SPG7: variants seen among roughly 807,000 people sequenced by gnomAD.
The protein encoded by SPG7 is SPG7 matrix AAA peptidase subunit, paraplegin.
In SPG7, 103 loss-of-function variants were observed where a neutral mutation model predicts 81.9. The ratio of observed to expected loss-of-function variants is 1.26; its 90% CI spans 1.07 to 1.48. The LOEUF is 1.48. Ranked by LOEUF, SPG7 falls within the 40% of genes most tolerant of loss-of-function variation. The pLI is 0.00. For missense variants in SPG7, 1,241 were observed against 1,087.3 expected, an observed-to-expected ratio of 1.14 and a Z score of -1.99; for synonymous variants, 534 against 444.2, an observed-to-expected ratio of 1.20 and a Z score of -2.54.
At chr16:89,508,817 C>T (rs1567892002) in intron 1 of SPG7, 3 of 691,846 alleles carry the variant, frequency 4.3e-6, no homozygotes, top group Non-Finnish European at 7.9e-6. Context: ...GGCTGGGATC[C>T]GCGCAGTCCT....
chr16:89,547,634 A>G (rs2058579981), intron 11 of SPG7: 3 of 283,924 alleles, frequency 1.1e-5, no homozygotes, highest in South Asian at 3.3e-5. Context: ...TTATTTTGAG[A>G]CAGAGTCCTA....
chr16:89,521,314 G>A (rs968145557), intron 3 of SPG7: 4 of 152,276 alleles, frequency 2.6e-5, no homozygotes, highest in Non-Finnish European at 4.4e-5. Flanking sequence ...CTGACACAGC[G>A]GGGCTAAGAG....
chr16:89,553,664 C>T, intron 14 of SPG7, 130 bp from the exon 15 acceptor site: 1 of 846,002 alleles, frequency 1.2e-6, no homozygotes, highest in East Asian at 2.5e-5. Context: ...TGTCCAGCTT[C>T]ACGGTGGGTC....
intron 3 of SPG7, chr16:89,517,870 C>CG (rs2152396841): frequency 6.6e-6 from 1 of 152,372 alleles, no homozygotes; most frequent in Non-Finnish European, 1.5e-5. Flanking sequence ...CTGCCCACCT[C>CG]GGCCTCCCAA....
At chr16:89,553,591 A>G in intron 14 of SPG7, 1 of 599,336 alleles carries the variant, frequency 1.7e-6, no homozygotes, top group Non-Finnish European at 3.0e-6. Flanking sequence ...TCCAAATAAA[A>G]GAGCATTTCG....
intron 2 of SPG7, 150 bp from the exon 3 acceptor site, chr16:89,512,798 T>C (rs1415036054): frequency 4.0e-6 from 3 of 747,284 alleles, no homozygotes; most frequent in Non-Finnish European, 6.9e-6. Flanking sequence ...AGGATATGCT[T>C]TATTTCATAT....
At chr16:89,543,168 C>T (rs1248549971) in intron 9 of SPG7, 1 of 151,190 alleles carries the variant, frequency 6.6e-6, no homozygotes, top group Non-Finnish European at 1.5e-5. Context: ...AGGATGCTCT[C>T]CATCTGCTGA....
chr16:89,534,371 T>G (rs563405204), intron 9 of SPG7, among the ~76,000 whole-genome samples: 5 of 152,358 alleles, frequency 3.3e-5, no homozygotes, highest in African/African-American at 1.2e-4. Context: ...CTGCCTTGTG[T>G]GTAGGGGCTG....
chr16:89,531,363 A>T, intron 7 of SPG7: 1 of 185,756 alleles, frequency 5.4e-6, no homozygotes, highest in Non-Finnish European at 1.1e-5. Context: ...TCTGCAAAAC[A>T]TTTTTTTATT....
intron 3 of SPG7, chr16:89,521,158 A>T (rs566059930): frequency 6.6e-6 from 1 of 152,172 alleles, no homozygotes; most frequent in Non-Finnish European, 1.5e-5. Context: ...CCTTCTTGCC[A>T]CCGAGGAAGA....
chr16:89,546,092 C>CTT (rs891752792), intron 10 of SPG7: 672 of 246,828 alleles, frequency 2.7e-3, no homozygotes, highest in South Asian at 4.7e-3. Context: ...AGAGCGTTCT[C>CTT]TTTTTTTTTT....
chr16:89,553,339 C>T (rs1483319470), intron 14 of SPG7: 1 of 626,072 alleles, frequency 1.6e-6, no homozygotes, highest in Non-Finnish European at 2.8e-6. Context: ...AAAAACTTAA[C>T]CTATATGCCA....
At chr16:89,523,584 C>T (rs142597716) in intron 3 of SPG7, 65 of 407,348 alleles carry the variant, frequency 1.6e-4, no homozygotes, top group African/African-American at 6.7e-4. Flanking sequence ...CGGCCTGGGA[C>T]GGTCGTTTCT....
chr16:89,512,557 T>G (rs1172841884), intron 2 of SPG7, among the ~76,000 whole-genome samples: 2 of 151,456 alleles, frequency 1.3e-5, no homozygotes, highest in African/African-American at 2.4e-5. Flanking sequence ...GTGAACCACC[T>G]GCCTCGGTCT....
chr16:89,553,310 TTAGA>T, intron 14 of SPG7, 175 bp downstream of exon 14: 1 of 714,922 alleles, frequency 1.4e-6, no homozygotes, highest in Non-Finnish European at 2.4e-6. Context: ...GCAAGACTTC[TTAGA>T]TAATTTAATT....
intron 5 of SPG7, 100 bp from the exon 6 acceptor site, chr16:89,529,377 C>G: frequency 1.3e-6 from 1 of 783,760 alleles, no homozygotes; most frequent in Non-Finnish European, 2.2e-6. Context: ...GATTCCTCGT[C>G]TCATCTTGGA....
At chr16:89,528,362 G>A (rs1208352731) in intron 5 of SPG7, among the ~76,000 whole-genome samples, 2 of 150,118 alleles carry the variant, frequency 1.3e-5, no homozygotes, top group Admixed American at 6.7e-5. Flanking sequence ...ACTGCAGTCT[G>A]GCCTGGGTGA....
At chr16:89,538,047 G>A (rs1400985364) in intron 9 of SPG7, 1 of 151,936 alleles carries the variant, frequency 6.6e-6, no homozygotes, top group East Asian at 2.0e-4. Context: ...GGTGACGCTG[G>A]TGTGGCCAGG....
In SPG7 at chr16:89,530,700, T is replaced by C. The variant is rs780946664; in HGVS notation, c.879T>C (p.Ala293=). 1.2e-6 allele frequency: 2 copies of C among 1,614,112 alleles called. No homozygotes were observed. The highest frequency in any genetic ancestry group is 2.2e-5 in the South Asian group (2 of 91,084). ...CTGCACAGAATCAGCTTAAAATGGCTCGTTTCACCATTGTGGATGGGAAGA... is the reference window on the plus strand; with the variant it reads ...CTGCACAGAATCAGCTTAAAATGGCCCGTTTCACCATTGTGGATGGGAAGA... ...GFSAFNQLKM[A]RFTIVDGKMG... The change falls in exon 7 of 17, where the codon GCT becomes GCC. Residue 293 remains alanine, a synonymous_variant. Transcript: ENST00000645818.
Sources: allele counts gnomAD v4.1 joint callset (sites outside exome capture counted in the v4.1 genomes callset), GRCh38; gene constraint gnomAD v4.1.1; transcripts MANE v1.5; gene names NCBI Gene and HGNC (gene_info 2026-07-23, HGNC 2026-07-21).